The following ARFGEF1 variants were observed in gnomAD, a reference collection of about 807,000 sequenced individuals.
The protein encoded by ARFGEF1 is ARF guanine nucleotide exchange factor 1, also known as brefeldin A-inhibited guanine nucleotide-exchange protein 1.
Under a neutral mutation model 231.0 loss-of-function variants are expected in ARFGEF1, and 42 were observed. That is an observed-to-expected ratio of 0.18 (90% CI 0.14 to 0.24). ARFGEF1 has a LOEUF of 0.24. Among genes scored for constraint, ARFGEF1 ranks in the 10% least tolerant of loss-of-function variants. ARFGEF1 has a pLI of 1.00. For missense variants in ARFGEF1, 1,345 were observed against 2,192.0 expected (o/e 0.61, Z 7.72); for synonymous variants, 710 against 732.3 (o/e 0.97, Z 0.49).
At chr8:67,189,588 T>TAAAC (rs1554624286) in intron 5 of ARFGEF1, among the ~76,000 whole-genome samples, 1 of 152,224 alleles carries the variant, frequency 6.6e-6, no homozygotes, top group East Asian at 1.9e-4. Context: ...AATTATATGT[T>TAAAC]AAACAATGAT....
intron 1 of ARFGEF1, among the ~76,000 whole-genome samples, chr8:67,331,608 T>A (rs773247067): frequency 7.2e-5 from 11 of 152,058 alleles, no homozygotes; most frequent in Non-Finnish European, 1.5e-4. Context: ...TTAAACAGAC[T>A]AAGATATACT....
intron 29 of ARFGEF1, among the ~76,000 whole-genome samples, chr8:67,224,088 A>AC (rs1839292475): frequency 1.3e-5 from 2 of 152,198 alleles, no homozygotes; most frequent in Non-Finnish European, 2.9e-5. Context: ...GCATAAGGTG[A>AC]GAAAAGAGAG....
At chr8:67,177,778 T>A in intron 5 of ARFGEF1, 1 of 1,219,354 alleles carries the variant, frequency 8.2e-7, no homozygotes, top group Non-Finnish European at 1.2e-6. Context: ...ATTAAAAATC[T>A]TTAGGCATAT....
chr8:67,327,755 C>G (rs556491716), intron 1 of ARFGEF1, among the ~76,000 whole-genome samples: 1 of 152,340 alleles, frequency 6.6e-6, no homozygotes, highest in South Asian at 2.1e-4. Flanking sequence ...TATACCTACA[C>G]ATATTTGTTC....
chr8:67,271,999 G>T, intron 9 of ARFGEF1, 63 bp from the exon 10 acceptor site: 1 of 988,714 alleles, frequency 1.0e-6, no homozygotes, highest in Non-Finnish European at 1.5e-6. Flanking sequence ...ATAACAGGTT[G>T]TTCCAAAAAT....
chr8:67,201,882 T>C, intron 36 of ARFGEF1: 2 of 369,840 alleles, frequency 5.4e-6, no homozygotes, highest in South Asian at 2.6e-5. Context: ...GAAGGGGCCA[T>C]GTGCTCTGCC....
In ARFGEF1 at chr8:67,225,928, T is replaced by A. The variant is rs972342261; in HGVS notation, c.4077+95A>T. 2.4e-6 allele frequency: 3 copies of A among 1,242,814 alleles called. No individual in the cohort carries two copies. In the African/African-American group the frequency reaches 4.6e-5, roughly 19 times the overall value. 77.0% of individuals were successfully genotyped at this position (1,242,814 alleles called of 1,614,324 possible). ...GATTATTTTTCAAATTACTGAAAAATAAATGCTTCATATACCCTCAATTCC... is the reference window on the plus strand; with the variant it reads ...GATTATTTTTCAAATTACTGAAAAAAAAATGCTTCATATACCCTCAATTCC... On this transcript the variant is annotated intron_variant, in intron 28 of 38. Transcript: ENST00000262215.
chr8:67,249,593 G>A lies in ARFGEF1; in HGVS notation c.2850+1706C>T, dbSNP rs1415964452. Among the ~76,000 whole-genome samples the A allele has an allele frequency of 3.3e-5, 5 of 150,252 alleles. 1 individual carries two copies. In the Admixed American group the frequency reaches 3.3e-4, roughly 10 times the overall value. On this transcript the variant is annotated intron_variant, in intron 19 of 38. Coordinates refer to ENST00000262215, the MANE Select transcript of ARFGEF1 (RefSeq NM_006421.5). ...AGTTTAGATTAGAGGGGACAGTGCA[G>A]AACTCTCAGAGAGGGTGATATTTAT... is the stretch of plus-strand genomic sequence containing the variant.
At chr8:67,261,830 CTTTTT>C (rs34170422) in intron 14 of ARFGEF1, among the ~76,000 whole-genome samples, 3 of 117,998 alleles carry the variant, frequency 2.5e-5, no homozygotes, top group African/African-American at 9.1e-5. Flanking sequence ...AATTTCAAGT[CTTTTT>C]TTTTTTTTTT....
At chr8:67,299,746 G>A (rs571444201) in intron 3 of ARFGEF1, among the ~76,000 whole-genome samples, 173 of 152,224 alleles carry the variant, frequency 1.1e-3, no homozygotes, top group Middle Eastern at 3.4e-3. Context: ...CACATTGGGT[G>A]GACTGCTTGA....
At chr8:67,247,043 A>T (rs1285581581) in intron 19 of ARFGEF1, among the ~76,000 whole-genome samples, 2 of 150,288 alleles carry the variant, frequency 1.3e-5, no homozygotes, top group African/African-American at 5.0e-5. Context: ...AGATTGAACC[A>T]AGAAGAAATT....
chr8:67,207,049 A>T (rs1006138274), intron 34 of ARFGEF1: 1 of 152,202 alleles, frequency 6.6e-6, no homozygotes, highest in Non-Finnish European at 1.5e-5. Context: ...TTTAACGTTT[A>T]GTTCTTAGTA....
At chr8:67,326,797 C>T (rs1807854776) in intron 1 of ARFGEF1, among the ~76,000 whole-genome samples, 2 of 152,168 alleles carry the variant, frequency 1.3e-5, no homozygotes, top group South Asian at 4.1e-4. Flanking sequence ...TGTCATTTCA[C>T]TTAAAGTCAC....
At chr8:67,282,453 A>T (rs1434291725) in intron 7 of ARFGEF1, among the ~76,000 whole-genome samples, 1 of 152,204 alleles carries the variant, frequency 6.6e-6, no homozygotes, top group African/African-American at 2.4e-5. Context: ...GTATTTTATA[A>T]TCTTAGGGTG....
At chr8:67,291,729 CA>C in intron 6 of ARFGEF1, 117 bp downstream of exon 6, 1 of 1,341,632 alleles carries the variant, frequency 7.5e-7, no homozygotes, top group Middle Eastern at 2.2e-4. Context: ...ACAATTACCA[CA>C]ATGTGTCTGA....
chr8:67,189,505 C>G (rs1194920899), intron 5 of ARFGEF1, among the ~76,000 whole-genome samples: 2 of 152,150 alleles, frequency 1.3e-5, no homozygotes, highest in East Asian at 3.8e-4. Flanking sequence ...TAGAAAGCCC[C>G]ATATCTTATT....
intron 29 of ARFGEF1, among the ~76,000 whole-genome samples, chr8:67,222,284 GAGAC>G (rs1839224437): frequency 1.3e-5 from 1 of 78,708 alleles, no homozygotes; most frequent in African/African-American, 4.7e-5. Context: ...TTTTTTTTTT[GAGAC>G]AGAGTCTTAT....
intron 1 of ARFGEF1, among the ~76,000 whole-genome samples, chr8:67,340,729 A>G (rs1808586590): frequency 6.6e-6 from 1 of 152,322 alleles, no homozygotes; most frequent in East Asian, 1.9e-4. Flanking sequence ...TGCCTCATAC[A>G]TCTCAAGTAA....
At chr8:67,252,282 CAAAAAAAAAAAAAAAAA>C (rs57653248) in intron 18 of ARFGEF1, among the ~76,000 whole-genome samples, 1 of 21,872 alleles carries the variant, frequency 4.6e-5, no homozygotes, top group Non-Finnish European at 1.0e-4. Context: ...AACTCCATCT[CAAAAAAAAAAAAAAAAA>C]AAAAAAAAAA....
Sources: gnomAD v4.1 joint callset for allele counts (sites outside exome capture counted in the v4.1 genomes callset) on GRCh38, gnomAD v4.1.1 for gene constraint, MANE v1.5 for transcripts, NCBI Gene and HGNC (gene_info 2026-07-23, HGNC 2026-07-21) for gene names.